Variants in LUZP2 observed in about 807,000 individuals in gnomAD.
LUZP2 encodes leucine zipper protein 2.
In LUZP2, 52 loss-of-function variants were observed where a neutral mutation model predicts 51.6. The ratio of observed to expected loss-of-function variants is 1.01; its 90% CI spans 0.81 to 1.27. The LOEUF (loss-of-function observed/expected upper bound fraction) is 1.27. Ranked by LOEUF, LUZP2 falls within the 50% of genes most tolerant of loss-of-function variation. The pLI is 0.00. For synonymous variants in LUZP2, 154 were observed against 137.3 expected, an observed-to-expected ratio of 1.12 and a Z score of -0.85; for missense variants, 436 against 395.4, an observed-to-expected ratio of 1.10 and a Z score of -0.87.
chr11:24,705,056 A>C (rs1857534552), intron 1 of LUZP2, among the ~76,000 whole-genome samples: 1 of 152,152 alleles, frequency 6.6e-6, no homozygotes, highest in Admixed American at 6.5e-5. Flanking sequence ...CTCAGTATAC[A>C]TCCAAGACTC....
chr11:24,543,840 A>AAT (rs1851456400), intron 1 of LUZP2, among the ~76,000 whole-genome samples: 1 of 151,024 alleles, frequency 6.6e-6, no homozygotes, highest in Non-Finnish European at 1.5e-5. Context: ...AAAAAAAAAA[A>AAT]AAAAAGATGG....
chr11:24,917,538 T>C (rs953417709), intron 7 of LUZP2, among the ~76,000 whole-genome samples: 13 of 152,080 alleles, frequency 8.5e-5, no homozygotes, highest in Non-Finnish European at 1.9e-4. Flanking sequence ...GATCCAATTT[T>C]AGCTTTCTAC....
intron 9 of LUZP2, among the ~76,000 whole-genome samples, chr11:25,030,846 T>C (rs1590855906): frequency 1.4e-5 from 2 of 140,572 alleles, no homozygotes; most frequent in African/African-American, 5.1e-5. Flanking sequence ...ACTCACAATT[T>C]GTATGTGTAG....
At chr11:24,734,313 A>T (rs1208332491) in intron 3 of LUZP2, among the ~76,000 whole-genome samples, 1 of 151,656 alleles carries the variant, frequency 6.6e-6, no homozygotes, top group Non-Finnish European at 1.5e-5. Context: ...GTTTGTTGAT[A>T]TTTTTTTAAA....
Position 24,788,139 on chromosome 11 carries a change from A to T in LUZP2, c.396+24831A>T, listed in dbSNP as rs576904224. On this transcript the variant is annotated intron_variant, in intron 5 of 11. Transcript: ENST00000336930. ...ATTCTGTAAATTTAACAGTACCTTA[A>T]TTCTTTCACTGTAACAGATGCCTAT... 4.7e-5 allele frequency among the ~76,000 whole-genome samples: 7 copies of T among 148,014 alleles called. No homozygotes were observed. In the East Asian group the frequency reaches 1.2e-3, roughly 25 times the overall value.
At chr11:24,663,301 A>T (rs2133986278) in intron 1 of LUZP2, among the ~76,000 whole-genome samples, 1 of 152,012 alleles carries the variant, frequency 6.6e-6, no homozygotes, top group East Asian at 2.0e-4. Flanking sequence ...TGTTTGTGGC[A>T]CTTCCCCTTT....
chr11:24,542,654 T>A (rs549239493), intron 1 of LUZP2, among the ~76,000 whole-genome samples: 1 of 152,096 alleles, frequency 6.6e-6, no homozygotes, highest in Admixed American at 6.6e-5. Flanking sequence ...AGTCTTTATT[T>A]GAGTGCTAGC....
In LUZP2 at chr11:24,570,828, G is replaced by A. The variant is rs79840797; in HGVS notation, c.62+73523G>A. On this transcript the variant is annotated intron_variant, in intron 1 of 11. Coordinates refer to ENST00000336930, the MANE Select transcript of LUZP2 (RefSeq NM_001009909.4). Reference sequence around the variant, plus strand: ...ACTTTTCATATATAAAACATTCTATGAATAAATGCTTTTAAAGTTTTCTTT... The same window carrying A: ...ACTTTTCATATATAAAACATTCTATAAATAAATGCTTTTAAAGTTTTCTTT... 3.9e-3 allele frequency among the ~76,000 whole-genome samples: 598 copies of A among 152,030 alleles called. 25 individuals are homozygous for A. In the East Asian group the frequency reaches 0.086, roughly 22 times the overall value.
rs553467812 is a variant in LUZP2, at chr11:24,944,589, T to C, written c.522+30051T>C. 1.9e-4 allele frequency among the ~76,000 whole-genome samples: 29 copies of C among 152,234 alleles called. No individual in the cohort carries two copies. The East Asian group carries it at 5.4e-3, about 28-fold the overall frequency. On this transcript the variant is annotated intron_variant, in intron 7 of 11. Coordinates refer to ENST00000336930, the MANE Select transcript of LUZP2 (RefSeq NM_001009909.4). Reference sequence around the variant, plus strand: ...GGTGTTTGGGGACATAGTGTTATTGTTGGGTTACTTAAGAAATATTTTGAA... The same window carrying C: ...GGTGTTTGGGGACATAGTGTTATTGCTGGGTTACTTAAGAAATATTTTGAA...
chr11:24,973,364 GT>G (rs369095558), intron 7 of LUZP2, among the ~76,000 whole-genome samples: 8,728 of 102,896 alleles, frequency 0.085, 901 homozygotes, highest in African/African-American at 0.28. Context: ...ATATTTATTA[GT>G]TTTTTTTTTT....
At chr11:24,865,904 G>T (rs1331034488) in intron 5 of LUZP2, among the ~76,000 whole-genome samples, 3 of 151,726 alleles carry the variant, frequency 2.0e-5, no homozygotes, top group African/African-American at 7.3e-5. Flanking sequence ...CTCCCTCCCA[G>T]GTTCAAGCAA....
In LUZP2 at chr11:24,637,654, T is replaced by C. The variant is rs190898580; in HGVS notation, c.63-91515T>C. 3.0e-3 allele frequency among the ~76,000 whole-genome samples: 451 copies of C among 151,862 alleles called. 11 individuals carry two copies. The highest frequency in any genetic ancestry group is 0.01 in the African/African-American group (420 of 41,206). On this transcript the variant is annotated intron_variant, in intron 1 of 11. Transcript: ENST00000336930. ...AGGGGTGTCTGTCTTATGTGATTGATAATAAGGACTGAAATATGCCCTGGT... is the reference window on the plus strand; with the variant it reads ...AGGGGTGTCTGTCTTATGTGATTGACAATAAGGACTGAAATATGCCCTGGT...
intron 1 of LUZP2, among the ~76,000 whole-genome samples, chr11:24,566,188 G>A (rs1852206233): frequency 6.6e-6 from 1 of 151,422 alleles, no homozygotes; most frequent in South Asian, 2.1e-4. Flanking sequence ...AAAGCTATTA[G>A]AAATACGTTA....
At chr11:24,510,465 G>A (rs1850275904) in intron 1 of LUZP2, among the ~76,000 whole-genome samples, 1 of 152,120 alleles carries the variant, frequency 6.6e-6, no homozygotes, top group Admixed American at 6.5e-5. Context: ...TTTTTGGAAT[G>A]CGTCAGAAAA....
chr11:24,511,412 T>A (rs1211157809), intron 1 of LUZP2, among the ~76,000 whole-genome samples: 11 of 151,110 alleles, frequency 7.3e-5, no homozygotes, highest in Admixed American at 2.0e-4. Flanking sequence ...AATTAAAAAA[T>A]AAAAAAAAAT....
At chr11:24,499,035 T>A (rs1849911999) in intron 1 of LUZP2, among the ~76,000 whole-genome samples, 1 of 152,212 alleles carries the variant, frequency 6.6e-6, no homozygotes, top group Non-Finnish European at 1.5e-5. Context: ...TATCTTTTCC[T>A]TTCATGAAAG....
intron 5 of LUZP2, among the ~76,000 whole-genome samples, chr11:24,805,007 C>CTTTTTT (rs71044307): frequency 7.1e-5 from 10 of 141,578 alleles, no homozygotes; most frequent in Non-Finnish European, 1.1e-4. Flanking sequence ...ACCCGGCTAA[C>CTTTTTT]TTTTTTTTTT....
chr11:25,047,639 A>G (rs1328419901), intron 9 of LUZP2, among the ~76,000 whole-genome samples: 2 of 152,048 alleles, frequency 1.3e-5, no homozygotes, highest in Admixed American at 6.5e-5. Flanking sequence ...AATCTCTTCC[A>G]TCACCAGGAT....
At chr11:24,901,417 A>G (rs1853278851) in intron 5 of LUZP2, among the ~76,000 whole-genome samples, 1 of 151,956 alleles carries the variant, frequency 6.6e-6, no homozygotes, top group Non-Finnish European at 1.5e-5. Flanking sequence ...AAAAAAAGGT[A>G]ACTTGAAGAG....
Sources: allele counts gnomAD v4.1 joint callset (sites outside exome capture counted in the v4.1 genomes callset), GRCh38; gene constraint gnomAD v4.1.1; transcripts MANE v1.5; gene names NCBI Gene and HGNC (gene_info 2026-07-23, HGNC 2026-07-21).